DPY19L3: variants seen among roughly 807,000 people sequenced by gnomAD.
DPY19L3 encodes the protein dpy-19 like C-mannosyltransferase 3, also known as protein C-mannosyl-transferase DPY19L3.
In DPY19L3, 51 loss-of-function variants were observed where a neutral mutation model predicts 92.3. The ratio of observed to expected loss-of-function variants is 0.55; its 90% CI spans 0.44 to 0.70. The LOEUF is 0.70. Ranked by LOEUF, DPY19L3 falls within the 30% of genes least tolerant of loss-of-function variation. The pLI, the probability that DPY19L3 is intolerant of heterozygous loss-of-function variation, is 0.00. For missense variants in DPY19L3, 706 were observed against 855.9 expected, an observed-to-expected ratio of 0.82 and a Z score of 2.18; for synonymous variants, 309 against 315.2, an observed-to-expected ratio of 0.98 and a Z score of 0.21.
At chr19:32,429,246 T>C (rs116617941) in intron 3 of DPY19L3, among the ~76,000 whole-genome samples, 289 of 152,376 alleles carry the variant, frequency 1.9e-3, no homozygotes, top group African/African-American at 6.0e-3. Flanking sequence ...GCATTCCCCA[T>C]GGAACCTGTG....
At chr19:32,463,082 G>GGT (rs1555725066) in intron 12 of DPY19L3, among the ~76,000 whole-genome samples, 1 of 148,682 alleles carries the variant, frequency 6.7e-6, no homozygotes, top group African/African-American at 2.5e-5. Flanking sequence ...AAAAATTTGA[G>GGT]TTTTTTTTTT....
At chr19:32,411,039 T>C (rs1451671575) in intron 2 of DPY19L3, among the ~76,000 whole-genome samples, 200 bp from the exon 3 acceptor site, 1 of 152,198 alleles carries the variant, frequency 6.6e-6, no homozygotes, top group Non-Finnish European at 1.5e-5. Flanking sequence ...AATGGACACA[T>C]GGACAGTTAG....
intron 4 of DPY19L3, among the ~76,000 whole-genome samples, chr19:32,434,975 C>G (rs77673398): frequency 0.018 from 2,668 of 152,286 alleles, 33 homozygotes; most frequent in Middle Eastern, 0.071. Flanking sequence ...AGACTTTAGG[C>G]TTGCCATAAT....
intron 3 of DPY19L3, among the ~76,000 whole-genome samples, chr19:32,429,070 A>C (rs752036815): frequency 1.3e-5 from 2 of 152,022 alleles, no homozygotes; most frequent in Non-Finnish European, 2.9e-5. Flanking sequence ...GCTGGTCGTG[A>C]ACTCCTGACC....
intron 3 of DPY19L3, among the ~76,000 whole-genome samples, chr19:32,432,270 C>T (rs1323126632): frequency 6.6e-6 from 1 of 152,282 alleles, no homozygotes. Context: ...ACCAGGGTTA[C>T]GCTTGTCAGA....
chr19:32,421,328 A>AC lies in DPY19L3; in HGVS notation c.237+9957dup, dbSNP rs796645639. 2.0e-4 allele frequency among the ~76,000 whole-genome samples: 30 copies of AC among 152,296 alleles called. 1 individual carries two copies. The highest frequency in any genetic ancestry group is 6.7e-4 in the African/African-American group (28 of 41,574). ...GAAGGGGGCTGCCAAATCCAGTGGC[A>AC]CTCAGAAAGATGCTGAGAGAAGAGT... On this transcript the variant is annotated intron_variant, in intron 3 of 18. Coordinates refer to ENST00000392250, the MANE Select transcript of DPY19L3 (RefSeq NM_001172774.2).
intron 3 of DPY19L3, chr19:32,413,054 A>G (rs956592387): frequency 3.3e-5 from 5 of 152,192 alleles, no homozygotes; most frequent in Non-Finnish European, 7.3e-5. Flanking sequence ...CAGAACTCGT[A>G]TATAACTTAC....
chr19:32,449,164 C>T (rs1319584407), intron 8 of DPY19L3, among the ~76,000 whole-genome samples: 2 of 152,136 alleles, frequency 1.3e-5, no homozygotes, highest in African/African-American at 2.4e-5. Context: ...AGGATACAAA[C>T]ACTTCCTAGA....
chr19:32,408,207 T>C lies in DPY19L3; in HGVS notation c.-37-10T>C, dbSNP rs371649177. ...GCACTGACGTTGATGGCCTGTTTAT[T>C]GCTATCTAGGAGTGATTTGGAGAAC... On this transcript the variant is annotated splice_polypyrimidine_tract_variant and intron_variant, in intron 1 of 18. Transcript: ENST00000392250. 1.4e-5 allele frequency: 19 copies of C among 1,397,922 alleles called. No individual in the cohort carries two copies. Among genetic ancestry groups the C allele is most frequent in the Non-Finnish European group, 1.7e-5 (17 of 992,770 alleles). The allele number at this position is 1,397,922 out of a possible 1,614,324, so 86.6% of individuals were successfully genotyped here.
intron 3 of DPY19L3, among the ~76,000 whole-genome samples, chr19:32,428,305 G>A (rs942279044): frequency 6.6e-6 from 1 of 151,884 alleles, no homozygotes; most frequent in Non-Finnish European, 1.5e-5. Flanking sequence ...AGTTGTTCTT[G>A]TTTTTTTAAA....
At chr19:32,468,949 T>C (rs1281342221) in intron 16 of DPY19L3, 136 bp downstream of exon 16, 1 of 733,282 alleles carries the variant, frequency 1.4e-6, no homozygotes, top group Admixed American at 3.7e-5. Flanking sequence ...TAGATTTTTC[T>C]TTAAAACTCC....
rs1164829821 is a variant in DPY19L3 at position 32,450,308 on chromosome 19, T to C, written c.856-2837T>C. On this transcript the variant is annotated intron_variant, in intron 8 of 18. Transcript: ENST00000392250. ...GGATTATAAGATGGTGTAGTCACTT[T>C]GAAAAACAGCATTTCCTCAGCATTT... Among the ~76,000 whole-genome samples the C allele has an allele frequency of 2.0e-5, 3 of 152,188 alleles. No homozygotes were observed. The East Asian group carries it at 5.8e-4, about 29-fold the overall frequency.
At chr19:32,454,886 T>C in intron 9 of DPY19L3, 53 bp from the exon 10 acceptor site, 2 of 1,187,324 alleles carry the variant, frequency 1.7e-6, no homozygotes, top group Non-Finnish European at 1.2e-6. Context: ...CTTCAGTGTT[T>C]ATGAAGTTAT....
chr19:32,419,829 A>G (rs1231975700), intron 3 of DPY19L3, among the ~76,000 whole-genome samples: 1 of 151,428 alleles, frequency 6.6e-6, no homozygotes, highest in African/African-American at 2.4e-5. Context: ...CCTTTATTGT[A>G]AACAAAAAGT....
At chr19:32,463,078 TTGAG>T (rs1246128157) in intron 12 of DPY19L3, among the ~76,000 whole-genome samples, 1 of 100,628 alleles carries the variant, frequency 9.9e-6, no homozygotes, top group Non-Finnish European at 2.3e-5. Context: ...TCCAAAAAAT[TTGAG>T]TTTTTTTTTT....
At position 32,463,859 on chromosome 19, in the gene DPY19L3, G is replaced by C. The variant is rs373599141; in HGVS notation, c.1446-10G>C. 6.2e-7 allele frequency: 1 copy of C among 1,609,210 alleles called. No individual in the cohort carries two copies. The highest frequency in any genetic ancestry group is 1.3e-5 in the African/African-American group (1 of 74,802). ...GTACTTCTGACTTGCGCCTGTGTCT[G>C]TTCTTGCAGAATGAAGTACCTCTGG... On this transcript the variant is annotated splice_polypyrimidine_tract_variant and intron_variant, in intron 13 of 18. Transcript: ENST00000392250.
At chr19:32,420,799 GT>G (rs1968543599) in intron 3 of DPY19L3, among the ~76,000 whole-genome samples, 1 of 152,072 alleles carries the variant, frequency 6.6e-6, no homozygotes, top group Non-Finnish European at 1.5e-5. Context: ...TTCATTTTTA[GT>G]TTTTGAGTGT....
chr19:32,477,696 C>T, intron 17 of DPY19L3, 42 bp downstream of exon 17: 1 of 1,611,266 alleles, frequency 6.2e-7, no homozygotes, highest in Non-Finnish European at 8.5e-7. Context: ...TGTGGGCCAG[C>T]TATGGGCTGC....
chr19:32,419,963 G>A (rs553341255), intron 3 of DPY19L3, among the ~76,000 whole-genome samples: 4 of 148,522 alleles, frequency 2.7e-5, no homozygotes, highest in African/African-American at 7.5e-5. Flanking sequence ...AGATTCACAC[G>A]GTTCTCCTGC....
Sources: allele counts gnomAD v4.1 joint callset (sites outside exome capture counted in the v4.1 genomes callset), GRCh38; gene constraint gnomAD v4.1.1; transcripts MANE v1.5; gene names NCBI Gene and HGNC (gene_info 2026-07-23, HGNC 2026-07-21).